GPD1L: variants seen among roughly 807,000 people sequenced by gnomAD.
The protein encoded by GPD1L is glycerol-3-phosphate dehydrogenase 1 like.
Under a neutral mutation model 32.9 loss-of-function variants are expected in GPD1L, and 17 were observed. The observed-to-expected ratio is 0.52, with a 90% CI of 0.35 to 0.78. The LOEUF is 0.78. GPD1L is among the 30% of genes least tolerant of loss of function. GPD1L has a pLI of 0.01. For missense variants in GPD1L, 361 were observed against 447.8 expected (o/e 0.81, Z 1.75); for synonymous variants, 187 against 165.9 (o/e 1.13, Z -0.98).
Position 32,138,734 on chromosome 3 carries a change from C to T in GPD1L, c.366+7C>T, listed in dbSNP as rs568004238. ...GGGAATCACCCTCATCAAGGTAACT[C>T]GAGTGCATGCTGCCCAGGGCTAGAC... On this transcript the variant is annotated splice_region_variant and intron_variant, in intron 3 of 7. Coordinates refer to ENST00000282541, the MANE Select transcript of GPD1L (RefSeq NM_015141.4). 6.8e-6 allele frequency: 11 copies of T among 1,613,590 alleles called. No individual in the cohort carries two copies. The highest frequency in any genetic ancestry group is 3.3e-5 in the South Asian group (3 of 91,066).
intron 1 of GPD1L, among the ~76,000 whole-genome samples, chr3:32,127,348 C>T (rs2125478119): frequency 6.6e-6 from 1 of 152,340 alleles, no homozygotes; most frequent in East Asian, 1.9e-4. Flanking sequence ...CCACCATGGC[C>T]CCATCAGCAG....
intron 2 of GPD1L, among the ~76,000 whole-genome samples, chr3:32,135,512 G>A (rs965608823): frequency 5.9e-5 from 9 of 152,144 alleles, no homozygotes; most frequent in African/African-American, 2.2e-4. Context: ...GAGTGCAGTG[G>A]CACGATCTTG....
At chr3:32,135,153 G>C (rs1003299133) in intron 2 of GPD1L, among the ~76,000 whole-genome samples, 8 of 152,200 alleles carry the variant, frequency 5.3e-5, no homozygotes, top group Non-Finnish European at 1.2e-4. Context: ...AAGGGGGAAA[G>C]GGAGGAATGT....
intron 1 of GPD1L, among the ~76,000 whole-genome samples, chr3:32,122,435 A>C (rs1426218903): frequency 3.3e-5 from 5 of 152,174 alleles, no homozygotes. Flanking sequence ...AGATTTTTTA[A>C]ATGAAATCTT....
At chr3:32,116,467 G>A (rs1397618432) in intron 1 of GPD1L, among the ~76,000 whole-genome samples, 1 of 152,148 alleles carries the variant, frequency 6.6e-6, no homozygotes, top group East Asian at 1.9e-4. Context: ...AGCAATGATG[G>A]CAGATAAATT....
chr3:32,128,535 T>G (rs1207418108), intron 2 of GPD1L, among the ~76,000 whole-genome samples: 1 of 152,206 alleles, frequency 6.6e-6, no homozygotes, highest in African/African-American at 2.4e-5. Flanking sequence ...TTGATAGGGT[T>G]AATTTCTTCT....
In GPD1L at chr3:32,106,866, G is replaced by T. The variant is rs1403321024; in HGVS notation, c.47+108G>T. On this transcript the variant is annotated intron_variant, in intron 1 of 7. Transcript: ENST00000282541. The surrounding 1 kb of genome is among the most constrained non-coding windows in gnomAD (Gnocchi z 4.0). ...GCGGCGTGGGCACCGGGCACTGCGC[G>T]CAGGGAGGCGGGGTGGGCGACCTCG... The T allele has an allele frequency of 5.6e-6, 6 of 1,080,858 alleles. No homozygotes were observed. Among genetic ancestry groups the T allele is most frequent in the Non-Finnish European group, 3.7e-6 (3 of 810,784 alleles). The allele number at this position is 1,080,858 out of a possible 1,614,324, so 67.0% of individuals were successfully genotyped here. A position where few individuals can be genotyped will look rare whatever the true frequency, so the allele number is the denominator to read the frequency against.
intron 7 of GPD1L, among the ~76,000 whole-genome samples, chr3:32,164,455 G>A (rs1701117632): frequency 1.3e-5 from 2 of 152,230 alleles, no homozygotes; most frequent in African/African-American, 2.4e-5. Flanking sequence ...CTCGGTCCAG[G>A]ACACACTATC....
intron 4 of GPD1L, among the ~76,000 whole-genome samples, chr3:32,144,822 A>AACACACACACACACAC (rs60130762): frequency 2.1e-5 from 3 of 142,064 alleles, no homozygotes; most frequent in African/African-American, 7.8e-5. Flanking sequence ...AGTAGCTGGG[A>AACACACACACACACAC]ACACACACAC....
intron 1 of GPD1L, among the ~76,000 whole-genome samples, chr3:32,111,827 T>G (rs994807228): frequency 6.6e-6 from 1 of 152,062 alleles, no homozygotes; most frequent in African/African-American, 2.4e-5. Context: ...TTTTTTTTTT[T>G]TTGGTCTGCT....
intron 1 of GPD1L, among the ~76,000 whole-genome samples, chr3:32,115,475 A>G (rs1245415416): frequency 6.6e-6 from 1 of 152,238 alleles, no homozygotes; most frequent in Non-Finnish European, 1.5e-5. Context: ...AGCCAGAGTC[A>G]CATGTATGTC....
At chr3:32,163,416 C>T (rs1007421073) in intron 7 of GPD1L, among the ~76,000 whole-genome samples, 1 of 152,086 alleles carries the variant, frequency 6.6e-6, no homozygotes, top group African/African-American at 2.4e-5. Context: ...GATCCACCTG[C>T]CTCAACCTCC....
At chr3:32,109,949 G>A (rs1312098698) in intron 1 of GPD1L, among the ~76,000 whole-genome samples, 1 of 152,196 alleles carries the variant, frequency 6.6e-6, no homozygotes, top group African/African-American at 2.4e-5. Context: ...ACGGAGTCTC[G>A]CTCTGTCGCC....
intron 1 of GPD1L, among the ~76,000 whole-genome samples, chr3:32,121,591 A>ATATTTC (rs1700416513): frequency 1.0e-5 from 1 of 99,232 alleles, no homozygotes; most frequent in African/African-American, 4.3e-5. Context: ...ATATATTTCT[A>ATATTTC]TATATATATT....
At position 32,151,571 on chromosome 3, in the gene GPD1L, C is replaced by G. The variant is rs1700920316; in HGVS notation, c.618+4837C>G. 3 of 223,356 alleles carry G rather than the reference C, an allele frequency of 1.3e-5. No individual in the cohort carries two copies. The South Asian group carries it at 3.1e-4, about 23-fold the overall frequency. The allele number at this position is 223,356 out of a possible 1,614,324, so 13.8% of individuals were successfully genotyped here. A position where few individuals can be genotyped will look rare whatever the true frequency, so the allele number is the denominator to read the frequency against. On this transcript the variant is annotated intron_variant, in intron 5 of 7. Transcript: ENST00000282541. The stretch of plus-strand genomic sequence containing the variant: ...CTCAGCTCAGTGCAACCTCTGCCTC[C>G]TGGGCTCAAGTGATCCTCCCGCCTC...
intron 1 of GPD1L, among the ~76,000 whole-genome samples, chr3:32,110,009 G>A (rs186465866): frequency 1.2e-4 from 19 of 152,300 alleles, no homozygotes; most frequent in African/African-American, 3.6e-4. Context: ...GCTTCGCCTC[G>A]CGGGTTCACG....
intron 6 of GPD1L, 77 bp downstream of exon 6, chr3:32,159,186 T>C: frequency 9.3e-7 from 1 of 1,076,328 alleles, no homozygotes; most frequent in South Asian, 1.3e-5. Flanking sequence ...TGCAGCCCAG[T>C]GGAGATTTCA....
At chr3:32,118,816 T>A (rs1204258203) in intron 1 of GPD1L, among the ~76,000 whole-genome samples, 3 of 152,246 alleles carry the variant, frequency 2.0e-5, no homozygotes, top group Non-Finnish European at 4.4e-5. Flanking sequence ...TTCTACTTTC[T>A]GTCTCTATGA....
intron 2 of GPD1L, among the ~76,000 whole-genome samples, chr3:32,135,238 G>A (rs551992401): frequency 7.2e-5 from 11 of 152,274 alleles, no homozygotes; most frequent in Admixed American, 3.9e-4. Flanking sequence ...AAAGTCAGGC[G>A]GCCAGGCTCC....
Sources: allele counts gnomAD v4.1 joint callset (sites outside exome capture counted in the v4.1 genomes callset), GRCh38; gene constraint gnomAD v4.1.1; non-coding constraint Gnocchi (gnomAD v3.1); transcripts MANE v1.5; gene names NCBI Gene and HGNC (gene_info 2026-07-23, HGNC 2026-07-21).